Variants in PCDHA4 observed in about 807,000 individuals in gnomAD.
PCDHA4 encodes protocadherin alpha 4, also known as protocadherin alpha-4.
A neutral mutation model predicts 61.4 loss-of-function variants in PCDHA4; 49 were observed. The observed-to-expected ratio is 0.80, with a 90% CI of 0.63 to 1.01. PCDHA4 has a LOEUF of 1.01. Among genes scored for constraint, PCDHA4 ranks in the 50% least tolerant of loss-of-function variants. The pLI is 0.00. For synonymous variants in PCDHA4, 590 were observed against 550.3 expected, an observed-to-expected ratio of 1.07 and a Z score of -1.01; for missense variants, 1,254 against 1,235.8, an observed-to-expected ratio of 1.01 and a Z score of -0.22.
At chr5:140,827,981 T>C (rs1359301062) in intron 1 of PCDHA4, 2 of 1,423,020 alleles carry the variant, frequency 1.4e-6, no homozygotes, top group Non-Finnish European at 1.9e-6. Flanking sequence ...ATTCCCTGAC[T>C]GTTGAATGAT....
intron 3 of PCDHA4, among the ~76,000 whole-genome samples, chr5:140,983,123 G>A (rs781811003): frequency 2.0e-5 from 3 of 152,198 alleles, no homozygotes; most frequent in Non-Finnish European, 4.4e-5. Flanking sequence ...ACAACATTCT[G>A]CAGACTGACT....
intron 1 of PCDHA4, chr5:140,883,569 C>A (rs781786717): frequency 1.9e-6 from 3 of 1,614,134 alleles, no homozygotes; most frequent in South Asian, 2.2e-5. Flanking sequence ...GGCTCGCCTT[C>A]GCTGTGGGCC....
At chr5:140,823,122 C>A in intron 1 of PCDHA4, 1 of 1,614,050 alleles carries the variant, frequency 6.2e-7, no homozygotes, top group Non-Finnish European at 8.5e-7. Context: ...ACGTGAACGA[C>A]AACGCTCCGG....
chr5:140,959,107 C>A (rs1330357931), intron 1 of PCDHA4, among the ~76,000 whole-genome samples: 1 of 151,920 alleles, frequency 6.6e-6, no homozygotes, highest in South Asian at 2.1e-4. Context: ...CAGCAGGGGT[C>A]CGAAGGTGGG....
intron 1 of PCDHA4, chr5:140,814,617 A>G (rs1554126560): frequency 6.6e-6 from 1 of 152,186 alleles, no homozygotes; most frequent in African/African-American, 2.4e-5. Context: ...GTACTTTTAT[A>G]TAACTGGTAG....
At position 140,835,900 on chromosome 5, in the gene PCDHA4, G is replaced by A. The variant is rs1580826433; in HGVS notation, c.2385+26328G>A. The A allele has an allele frequency of 4.3e-6, 7 of 1,612,152 alleles. No individual in the cohort carries two copies. The East Asian group carries it at 1.6e-4, about 36-fold the overall frequency. ...CGGGTGGGCGAGCGCGCGCTGTCGA[G>A]CTACGTGTCAGTGCACGCGGAGAGC... On this transcript the variant is annotated intron_variant, in intron 1 of 3. Coordinates refer to ENST00000530339, the MANE Select transcript of PCDHA4 (RefSeq NM_018907.4).
rs114294981 is a variant in PCDHA4, at chr5:140,997,261, C to T, written c.2534-12366C>T. On this transcript the variant is annotated intron_variant, in intron 3 of 3. Transcript: ENST00000530339. ...CATGTTTACTTTAGGGTTCACTCTT[C>T]CAAATATTTCTTGCATCACTTAACA... Among the ~76,000 whole-genome samples, 265 of 152,266 alleles carry T rather than the reference C, an allele frequency of 1.7e-3. 1 individual carries two copies. The highest frequency in any genetic ancestry group is 6.2e-3 in the African/African-American group (257 of 41,540).
At chr5:140,823,098 T>C (rs1244552333) in intron 1 of PCDHA4, 8 of 1,613,868 alleles carry the variant, frequency 5.0e-6, no homozygotes, top group Middle Eastern at 1.7e-4. Context: ...CCAGCGTGTC[T>C]GTGGAAGTGG....
chr5:140,981,779 A>G (rs1231046614), intron 2 of PCDHA4, among the ~76,000 whole-genome samples: 2 of 151,974 alleles, frequency 1.3e-5, no homozygotes, highest in Non-Finnish European at 2.9e-5. Flanking sequence ...ATACTGCACC[A>G]TGTTCTCTTT....
chr5:140,881,326 C>G, intron 1 of PCDHA4: 1 of 984,388 alleles, frequency 1.0e-6, no homozygotes, highest in Non-Finnish European at 1.2e-6. Flanking sequence ...TTCTATTTAA[C>G]CAGGACGCCG....
chr5:140,832,463 A>G (rs1009680795), intron 1 of PCDHA4, among the ~76,000 whole-genome samples: 1 of 152,236 alleles, frequency 6.6e-6, no homozygotes, highest in South Asian at 2.1e-4. Context: ...TTGCACTAAA[A>G]TTTAAAAAAA....
At chr5:140,835,755 C>G (rs782724807) in intron 1 of PCDHA4, 1 of 1,613,410 alleles carries the variant, frequency 6.2e-7, no homozygotes, top group Non-Finnish European at 8.5e-7. Flanking sequence ...GTTCGCGCAG[C>G]CCGAGTATAC....
chr5:140,967,676 G>A (rs1334899934), intron 1 of PCDHA4: 3 of 1,614,104 alleles, frequency 1.9e-6, no homozygotes, highest in African/African-American at 2.7e-5. Context: ...GTCGGACCGG[G>A]AGAGGCAGCT....
intron 1 of PCDHA4, among the ~76,000 whole-genome samples, chr5:140,886,264 A>G (rs1471846282): frequency 6.6e-6 from 1 of 151,982 alleles, no homozygotes; most frequent in Non-Finnish European, 1.5e-5. Context: ...CTATTTATAG[A>G]TAAAATTTTT....
In PCDHA4 at chr5:140,852,924, G is replaced by T. The variant is rs1007993116; in HGVS notation, c.2385+43352G>T. On this transcript the variant is annotated intron_variant, in intron 1 of 3. Transcript: ENST00000530339. The stretch of plus-strand genomic sequence containing the variant: ...GTCAGAGTCTCGCTCTGTTGCCCAG[G>T]CTGGAGTGCAGTGGTGCCATCTTGG... 2.1e-5 allele frequency: 15 copies of T among 707,860 alleles called. 2 individuals are homozygous for T. In the African/African-American group the frequency reaches 2.9e-4, roughly 14 times the overall value. The allele number at this position is 707,860 out of a possible 1,614,324, so 43.8% of individuals were successfully genotyped here.
chr5:140,828,276 G>T lies in PCDHA4; in HGVS notation c.2385+18704G>T, dbSNP rs2150153517. 9 of 1,613,972 alleles carry T rather than the reference G, an allele frequency of 5.6e-6. No individual in the cohort carries two copies. In the East Asian group the frequency reaches 6.7e-5, roughly 12 times the overall value. ...CTGGAGCTGGCGGAGCTGGTGCCGCGCCTGTTCAGGATGGCCTCCAAAGAC... is the reference window on the plus strand; with the variant it reads ...CTGGAGCTGGCGGAGCTGGTGCCGCTCCTGTTCAGGATGGCCTCCAAAGAC... On this transcript the variant is annotated intron_variant, in intron 1 of 3. Coordinates refer to ENST00000530339, the MANE Select transcript of PCDHA4 (RefSeq NM_018907.4).
chr5:140,820,669 G>A (rs1256170488), intron 1 of PCDHA4, among the ~76,000 whole-genome samples: 1 of 151,954 alleles, frequency 6.6e-6, no homozygotes, highest in African/African-American at 2.4e-5. Flanking sequence ...CTAATATAAA[G>A]ATAGCCTGGT....
chr5:140,956,749 G>A (rs1179471294), intron 1 of PCDHA4, among the ~76,000 whole-genome samples: 5 of 152,144 alleles, frequency 3.3e-5, no homozygotes, highest in African/African-American at 1.2e-4. Context: ...ACCTCTGATA[G>A]AATTCAGCTG....
chr5:140,846,894 A>G (rs2150395518), intron 1 of PCDHA4, among the ~76,000 whole-genome samples: 1 of 149,832 alleles, frequency 6.7e-6, no homozygotes, highest in South Asian at 2.1e-4. Flanking sequence ...AATGACGTTG[A>G]AGTTGAAAGA....
Sources: allele counts gnomAD v4.1 joint callset (sites outside exome capture counted in the v4.1 genomes callset), GRCh38; gene constraint gnomAD v4.1.1; transcripts MANE v1.5; gene names NCBI Gene and HGNC (gene_info 2026-07-23, HGNC 2026-07-21).